Variants in XKR9 observed in about 807,000 individuals in gnomAD.
The protein encoded by XKR9 is XK-related protein 9.
XKR9 carries 32 observed loss-of-function variants against 32.0 expected under a neutral mutation model. The observed-to-expected ratio is 1.00, with a 90% CI of 0.76 to 1.34. The LOEUF is 1.34. Among genes scored for constraint, XKR9 ranks in the 40% most tolerant of loss-of-function variants. The pLI is 0.00. For synonymous variants in XKR9, 168 were observed against 143.4 expected (o/e 1.17, Z -1.22); for missense variants, 546 against 429.7 (o/e 1.27, Z -2.39).
At chr8:70,931,215 A>G in the XKR9 span, among the ~76,000 whole-genome samples, 1 of 152,290 alleles carries the variant, frequency 6.6e-6, no homozygotes, top group Non-Finnish European at 1.5e-5. Flanking sequence ...ATAATCTACA[A>G]TGCTCATGTT....
chr8:70,937,005 T>G, the XKR9 span, among the ~76,000 whole-genome samples: 1 of 151,936 alleles, frequency 6.6e-6, no homozygotes, highest in Non-Finnish European at 1.5e-5. Flanking sequence ...CAGCAAATGA[T>G]CAGATTACAG....
At chr8:70,909,479 G>A in the XKR9 span, among the ~76,000 whole-genome samples, 36 of 151,958 alleles carry the variant, frequency 2.4e-4, no homozygotes, top group South Asian at 2.3e-3. Flanking sequence ...ATTTGTTTAC[G>A]TTTTGTATAA....
chr8:70,810,687 CAAAG>C, the XKR9 span, among the ~76,000 whole-genome samples: 2 of 152,000 alleles, frequency 1.3e-5, no homozygotes, highest in South Asian at 4.2e-4. Context: ...TCAAAAGAGA[CAAAG>C]AAGGCCATTA....
At position 70,706,726 on chromosome 8, in the gene XKR9, G is replaced by T. The variant is rs144862370; in HGVS notation, c.273-207G>T. On this transcript the variant is annotated intron_variant, in intron 3 of 4. Coordinates refer to ENST00000408926, the MANE Select transcript of XKR9 (RefSeq NM_001011720.2). ...ACTTAATAGAACTAGCACACAACTG[G>T]CACATCAAACATACAATAAAGGTTT... 3.2e-3 allele frequency among the ~76,000 whole-genome samples: 485 copies of T among 152,050 alleles called. 2 individuals are homozygous for T. The highest frequency in any genetic ancestry group is 5.1e-3 in the Non-Finnish European group (345 of 67,884).
chr8:70,841,532 C>A, the XKR9 span, among the ~76,000 whole-genome samples: 1 of 152,176 alleles, frequency 6.6e-6, no homozygotes, highest in Non-Finnish European at 1.5e-5. Flanking sequence ...TCATTGATGT[C>A]CCTTATAGCA....
the XKR9 span, among the ~76,000 whole-genome samples, chr8:70,964,022 A>G: frequency 6.6e-6 from 1 of 152,100 alleles, no homozygotes; most frequent in Non-Finnish European, 1.5e-5. Flanking sequence ...TGGCATTTTC[A>G]TCATGAAATC....
chr8:70,850,806 A>G, the XKR9 span, among the ~76,000 whole-genome samples: 1 of 152,216 alleles, frequency 6.6e-6, no homozygotes, highest in Non-Finnish European at 1.5e-5. Context: ...GCTATTTATG[A>G]CAAACCCACA....
At chr8:70,874,884 C>G in the XKR9 span, among the ~76,000 whole-genome samples, 2 of 152,100 alleles carry the variant, frequency 1.3e-5, no homozygotes, top group Non-Finnish European at 2.9e-5. Flanking sequence ...GAAGAGCATG[C>G]CTTTTTTCCC....
chr8:70,681,440 A>C, intron 3 of XKR9, 110 bp downstream of exon 3: 1 of 1,320,926 alleles, frequency 7.6e-7, no homozygotes, highest in Non-Finnish European at 1.0e-6. Flanking sequence ...TATTTGCATG[A>C]AGCACAAAGG....
At chr8:70,714,870 A>T in intron 4 of XKR9, among the ~76,000 whole-genome samples, 1 of 152,184 alleles carries the variant, frequency 6.6e-6, no homozygotes, top group East Asian at 1.9e-4. Context: ...AATTAATAAG[A>T]ATAATGTGAT....
At chr8:70,698,650 A>T (rs1187270874) in intron 3 of XKR9, among the ~76,000 whole-genome samples, 1 of 152,060 alleles carries the variant, frequency 6.6e-6, no homozygotes, top group African/African-American at 2.4e-5. Flanking sequence ...GCTGAAAAAA[A>T]TGTATATTCT....
chr8:70,975,916 G>A, the XKR9 span, among the ~76,000 whole-genome samples: 11 of 152,026 alleles, frequency 7.2e-5, no homozygotes, highest in Admixed American at 2.0e-4. Flanking sequence ...CTTTTATTTC[G>A]TTGAGCAGTG....
chr8:70,701,962 A>C (rs1586832974), intron 3 of XKR9, among the ~76,000 whole-genome samples: 2 of 152,184 alleles, frequency 1.3e-5, no homozygotes, highest in Admixed American at 1.3e-4. Context: ...AATTATTTAA[A>C]ATGTGGAAAT....
At chr8:70,708,368 C>T (rs1469716004) in intron 4 of XKR9, among the ~76,000 whole-genome samples, 1 of 152,044 alleles carries the variant, frequency 6.6e-6, no homozygotes, top group African/African-American at 2.4e-5. Context: ...ATTCAATCTT[C>T]ATCTATATAG....
chr8:70,984,245 T>C, the XKR9 span, among the ~76,000 whole-genome samples: 1 of 152,176 alleles, frequency 6.6e-6, no homozygotes, highest in Non-Finnish European at 1.5e-5. Flanking sequence ...ACCCACTGCC[T>C]CAGAGGTAGG....
chr8:70,822,097 G>A, the XKR9 span, among the ~76,000 whole-genome samples: 8 of 152,042 alleles, frequency 5.3e-5, no homozygotes, highest in South Asian at 2.1e-4. Flanking sequence ...CAGGAATATT[G>A]TATTTATTAA....
chr8:70,793,213 A>T (rs958292740), downstream of XKR9, among the ~76,000 whole-genome samples: 5 of 152,058 alleles, frequency 3.3e-5, no homozygotes, highest in African/African-American at 1.2e-4. Flanking sequence ...CTTCTGGAAC[A>T]TGCTAGGGTT....
chr8:70,826,112 T>G, the XKR9 span, among the ~76,000 whole-genome samples: 1 of 152,052 alleles, frequency 6.6e-6, no homozygotes, highest in Non-Finnish European at 1.5e-5. Context: ...TTATTTTGGG[T>G]CTTTGTTTTC....
the XKR9 span, among the ~76,000 whole-genome samples, chr8:70,872,043 C>A: frequency 2.6e-5 from 4 of 152,066 alleles, no homozygotes; most frequent in African/African-American, 4.8e-5. Context: ...GGAACTAGAA[C>A]TAGAACATGG....
Sources: gnomAD v4.1 joint callset for allele counts (sites outside exome capture counted in the v4.1 genomes callset) on GRCh38, gnomAD v4.1.1 for gene constraint, MANE v1.5 for transcripts, NCBI Gene and HGNC (gene_info 2026-07-23, HGNC 2026-07-21) for gene names.